The following DIMT1 variants were observed in gnomAD, a reference collection of about 807,000 sequenced individuals.
DIMT1 encodes dimethyladenosine transferase.
A neutral mutation model predicts 43.2 loss-of-function variants in DIMT1; 36 were observed. The observed-to-expected ratio is 0.83, with a 90% confidence interval of 0.64 to 1.10. The LOEUF is 1.10. Among genes scored for constraint, DIMT1 ranks in the 50% least tolerant of loss-of-function variants. The probability of loss-of-function intolerance (pLI) is 0.00; values close to 1 mark genes in which losing one functional copy is unlikely to be tolerated. For missense variants in DIMT1, 341 were observed against 385.3 expected, an observed-to-expected ratio of 0.88 and a Z score of 0.96; for synonymous variants, 126 against 130.3, an observed-to-expected ratio of 0.97 and a Z score of 0.22.
chr5:62,397,191 G>A (rs543080776), intron 6 of DIMT1, among the ~76,000 whole-genome samples: 13 of 151,944 alleles, frequency 8.6e-5, no homozygotes, highest in Non-Finnish European at 1.5e-4. Flanking sequence ...TGATCTGCCC[G>A]CCTCGGCCTC....
Position 62,398,288 on chromosome 5 carries a change from C to A in DIMT1, c.446+223G>T. 6.0e-6 allele frequency: 3 copies of A among 500,460 alleles called. No homozygotes were observed. The South Asian group carries it at 8.9e-5, about 15-fold the overall frequency. The allele number at this position is 500,460 out of a possible 1,614,324, so 31.0% of individuals were successfully genotyped here. On this transcript the variant is annotated intron_variant, in intron 6 of 11. Transcript: ENST00000199320. ...ACCTAGACTTAACGGCAGGAAGATT[C>A]AAAAATAGGGAAAGGCTGTCTGGTC...
At chr5:62,392,109 T>C (rs1580119888) in intron 10 of DIMT1, 62 bp downstream of exon 10, 3 of 1,605,494 alleles carry the variant, frequency 1.9e-6, no homozygotes, top group African/African-American at 2.7e-5. Context: ...TCAACAAGAA[T>C]AAAAATGGAC....
Position 62,388,436 on chromosome 5 carries a change from A to G in DIMT1, c.*574T>C, listed in dbSNP as rs1580115794. The G allele has an allele frequency of 1.3e-5, 2 of 152,568 alleles. No individual in the cohort carries two copies. Among genetic ancestry groups the G allele is most frequent in the East Asian group, 3.9e-4 (2 of 5,188 alleles). 9.5% of individuals were successfully genotyped at this position (152,568 alleles called of 1,614,324 possible). A position where few individuals can be genotyped will look rare whatever the true frequency, so the allele number is the denominator to read the frequency against. Reference sequence around the variant, plus strand: ...GCTTACCCAGAACCCTAAGTCTCTGACGCTATAGGATAGCGAAAGAGGTAG... The same window carrying G: ...GCTTACCCAGAACCCTAAGTCTCTGGCGCTATAGGATAGCGAAAGAGGTAG... On this transcript the variant is annotated 3_prime_UTR_variant, in exon 12 of 12. Coordinates refer to ENST00000199320, the MANE Select transcript of DIMT1 (RefSeq NM_014473.4).
At chr5:62,391,171 A>T (rs1409969372) in intron 10 of DIMT1, 189 bp from the exon 11 acceptor site, 1 of 537,240 alleles carries the variant, frequency 1.9e-6, no homozygotes, top group East Asian at 2.9e-5. Flanking sequence ...ATTAACAAAA[A>T]CTTGGAATAC....
rs1561288348 is a variant in DIMT1, at chr5:62,391,128, A to G, written c.793-146T>C. ...TGGAAAGCCTGATTTTTACATTAAG[A>G]CTTGGATCTCTAATTAAAAGTGGCT... On this transcript the variant is annotated intron_variant, in intron 10 of 11. Coordinates refer to ENST00000199320, the MANE Select transcript of DIMT1 (RefSeq NM_014473.4). 6 of 603,984 alleles carry G rather than the reference A, an allele frequency of 9.9e-6. No individual in the cohort carries two copies. In the South Asian group the frequency reaches 1.5e-4, roughly 15 times the overall value. The allele number at this position is 603,984 out of a possible 1,614,324, so 37.4% of individuals were successfully genotyped here.
Position 62,388,897 on chromosome 5 carries a change from A to G in DIMT1, c.*113T>C, listed in dbSNP as rs1742161081. The G allele has an allele frequency of 4.8e-6, 5 of 1,036,012 alleles. No homozygotes were observed. The highest frequency in any genetic ancestry group is 7.2e-6 in the Non-Finnish European group (5 of 695,514). The allele number at this position is 1,036,012 out of a possible 1,614,324, so 64.2% of individuals were successfully genotyped here. On this transcript the variant is annotated 3_prime_UTR_variant, in exon 12 of 12. Coordinates refer to ENST00000199320, the MANE Select transcript of DIMT1 (RefSeq NM_014473.4). ...TGACAACAGTAGTAGTATTGAACCA[A>G]AAATAGTCAAGTAAATAATGTCTCA...
At chr5:62,395,883 A>G (rs1379059022) in intron 6 of DIMT1, among the ~76,000 whole-genome samples, 3 of 152,008 alleles carry the variant, frequency 2.0e-5, no homozygotes, top group East Asian at 3.9e-4. Flanking sequence ...GTACACCCCC[A>G]TAGTCCCAGC....
Position 62,388,087 on chromosome 5 carries a change from G to C in DIMT1, c.*923C>G, listed in dbSNP as rs1742124094. 6.6e-6 allele frequency: 1 copy of C among 152,000 alleles called. No homozygotes were observed. Among genetic ancestry groups the C allele is most frequent in the Non-Finnish European group, 1.5e-5 (1 of 67,998 alleles). 9.4% of individuals were successfully genotyped at this position (152,000 alleles called of 1,614,324 possible). ...ATAAAACTAGTTTATGACATCTATT[G>C]AAATTCTCAGTCTGACAGTTTTAAA... On this transcript the variant is annotated 3_prime_UTR_variant, in exon 12 of 12. Transcript: ENST00000199320.
chr5:62,400,495 C>T (rs1742661355), intron 3 of DIMT1, among the ~76,000 whole-genome samples: 1 of 152,012 alleles, frequency 6.6e-6, no homozygotes, highest in African/African-American at 2.4e-5. Context: ...TCAAACAATC[C>T]TCCCACCTTG....
chr5:62,391,687 A>G (rs776556310), intron 10 of DIMT1: 277 of 1,257,464 alleles, frequency 2.2e-4, no homozygotes, highest in Middle Eastern at 3.1e-4. Flanking sequence ...CTGTTACACA[A>G]ATGATACGCA....
intron 11 of DIMT1, among the ~76,000 whole-genome samples, chr5:62,390,028 C>G (rs1742231661): frequency 6.6e-6 from 1 of 152,118 alleles, no homozygotes; most frequent in South Asian, 2.1e-4. Flanking sequence ...GCTAGCCAGC[C>G]AATAAAATAT....
At chr5:62,401,750 TTTTTGTA>T (rs1742714612) in intron 3 of DIMT1, among the ~76,000 whole-genome samples, 1 of 151,480 alleles carries the variant, frequency 6.6e-6, no homozygotes, top group Admixed American at 6.6e-5. Flanking sequence ...ACTCGGCTAA[TTTTTGTA>T]TTTTTAGTTG....
At chr5:62,393,704 C>A (rs186730693) in intron 8 of DIMT1, among the ~76,000 whole-genome samples, 1 of 151,852 alleles carries the variant, frequency 6.6e-6, no homozygotes, top group African/African-American at 2.4e-5. Context: ...TTTAAAACAA[C>A]TATTTTCATT....
chr5:62,393,886 T>C (rs1358824537), intron 8 of DIMT1, 69 bp downstream of exon 8: 1 of 1,382,900 alleles, frequency 7.2e-7, no homozygotes, highest in Non-Finnish European at 1.0e-6. Context: ...TTTTCTGCTG[T>C]TATAGGCACA....
chr5:62,401,431 G>A (rs1207664329), intron 3 of DIMT1, among the ~76,000 whole-genome samples: 10 of 139,278 alleles, frequency 7.2e-5, no homozygotes, highest in Non-Finnish European at 1.5e-5. Flanking sequence ...GGAGGCAGAG[G>A]TTGCTGTGAG....
chr5:62,393,046 G>A lies in DIMT1; in HGVS notation c.664-56C>T. 6.9e-6 allele frequency: 8 copies of A among 1,154,212 alleles called. No homozygotes were observed. In the South Asian group the frequency reaches 8.9e-5, roughly 13 times the overall value. 71.5% of individuals were successfully genotyped at this position (1,154,212 alleles called of 1,614,324 possible). A position where few individuals can be genotyped will look rare whatever the true frequency, so the allele number is the denominator to read the frequency against. The stretch of plus-strand genomic sequence containing the variant: ...TTACAAACTTCTTGTTCTTGTCTAT[G>A]CCCACTAGGTATTATTTTGTCTTTT... On this transcript the variant is annotated intron_variant, in intron 8 of 11. Coordinates refer to ENST00000199320, the MANE Select transcript of DIMT1 (RefSeq NM_014473.4).
At chr5:62,396,631 G>A (rs1742507057) in intron 6 of DIMT1, among the ~76,000 whole-genome samples, 1 of 152,134 alleles carries the variant, frequency 6.6e-6, no homozygotes, top group Non-Finnish European at 1.5e-5. Flanking sequence ...GTATTATGGT[G>A]GAGGAATCTC....
At chr5:62,396,709 A>G (rs1580125776) in intron 6 of DIMT1, among the ~76,000 whole-genome samples, 2 of 152,258 alleles carry the variant, frequency 1.3e-5, no homozygotes, top group East Asian at 3.9e-4. Flanking sequence ...TCTTGTAATA[A>G]GCAGATGTTT....
chr5:62,390,629 C>G (rs181975353), intron 11 of DIMT1, among the ~76,000 whole-genome samples: 9 of 152,228 alleles, frequency 5.9e-5, no homozygotes, highest in Admixed American at 1.3e-4. Flanking sequence ...ACCTGCACAC[C>G]ACATTAACAC....
Sources: gnomAD v4.1 joint callset for allele counts (sites outside exome capture counted in the v4.1 genomes callset) on GRCh38, gnomAD v4.1.1 for gene constraint, MANE v1.5 for transcripts, NCBI Gene and HGNC (gene_info 2026-07-23, HGNC 2026-07-21) for gene names.